The following FAM170A variants were observed in gnomAD, a reference collection of about 807,000 sequenced individuals.
The protein encoded by FAM170A is protein FAM170A.
A neutral mutation model predicts 36.6 loss-of-function variants in FAM170A; 28 were observed. The observed-to-expected ratio is 0.76, with a 90% CI of 0.57 to 1.05. The LOEUF is 1.05. Among genes scored for constraint, FAM170A ranks in the 50% least tolerant of loss-of-function variants. FAM170A has a pLI of 0.00. For synonymous variants in FAM170A, 156 were observed against 143.9 expected (o/e 1.08, Z -0.60); for missense variants, 434 against 396.5 (o/e 1.09, Z -0.80).
exon 3 of FAM170A, chr5:119,634,192 T>C (rs1756322892): frequency 6.2e-7 from 1 of 1,614,008 alleles, no homozygotes; most frequent in South Asian, 1.1e-5. Flanking sequence ...CAGAGGAAAC[T>C]TTGGAGTCCT....
intron 1 of FAM170A, among the ~76,000 whole-genome samples, chr5:119,631,095 C>T (rs1032842941): frequency 6.6e-6 from 1 of 152,198 alleles, no homozygotes; most frequent in Non-Finnish European, 1.5e-5. Context: ...CAATTTACTT[C>T]CCAGGCTGCA....
In FAM170A at chr5:119,632,760, C is replaced by T. The variant is rs900715217; in HGVS notation, c.83C>T (p.Ser28Phe). 17 of 1,602,170 alleles carry T rather than the reference C, an allele frequency of 1.1e-5. No individual in the cohort carries two copies. The Admixed American group carries it at 1.9e-4, about 18-fold the overall frequency. ...ATACCTTTCTCAGGAATGTCAAAGT[C>T]CCAAGAGGATGCCCTGCAGCCTGGA... Residue 28 changes from serine (S) to phenylalanine (F), a missense_variant, in exon 2 of 5, where the codon TCC becomes TTC. Coordinates refer to ENST00000613773, the Ensembl canonical transcript of FAM170A.
chr5:119,635,769 A>C (rs771770385), exon 5 of FAM170A: 15 of 154,424 alleles, frequency 9.7e-5, no homozygotes, highest in Non-Finnish European at 2.1e-4. Context: ...AGGGACCAGC[A>C]CTCAGTCTAA....
chr5:119,635,264 A>T (rs1756357239), intron 4 of FAM170A, among the ~76,000 whole-genome samples, 178 bp downstream of exon 4: 1 of 152,192 alleles, frequency 6.6e-6, no homozygotes, highest in Non-Finnish European at 1.5e-5. Flanking sequence ...CAAGGTGAAG[A>T]GCATTGACTG....
At chr5:119,632,062 C>T (rs575153286) in intron 1 of FAM170A, among the ~76,000 whole-genome samples, 58 of 152,250 alleles carry the variant, frequency 3.8e-4, no homozygotes, top group African/African-American at 8.9e-4. Flanking sequence ...GACATACTTA[C>T]GCTAAAAAAA....
intron 1 of FAM170A, among the ~76,000 whole-genome samples, chr5:119,630,334 T>TC (rs1376154410): frequency 7.0e-6 from 1 of 143,474 alleles, no homozygotes; most frequent in East Asian, 2.0e-4. Flanking sequence ...TTTTTTTTTT[T>TC]TTTTTTTTTT....
chr5:119,634,266 C>G (rs757845702), exon 3 of FAM170A: 18 of 1,614,066 alleles, frequency 1.1e-5, no homozygotes, highest in African/African-American at 6.7e-5. Flanking sequence ...GGTACTCCCC[C>G]CTCTGATGTG....
chr5:119,634,910 A>C (rs1756346718), intron 3 of FAM170A, 118 bp from the exon 4 acceptor site: 4 of 1,372,416 alleles, frequency 2.9e-6, no homozygotes, highest in Middle Eastern at 1.8e-4. Flanking sequence ...GCATCTAATA[A>C]AGTCTCGATT....
At chr5:119,633,770 C>G (rs991593914) in intron 2 of FAM170A, among the ~76,000 whole-genome samples, 190 bp from the exon 3 acceptor site, 85 of 152,170 alleles carry the variant, frequency 5.6e-4, no homozygotes, top group African/African-American at 2.0e-3. Flanking sequence ...TATGGACACC[C>G]CACCAACATC....
intron 1 of FAM170A, among the ~76,000 whole-genome samples, chr5:119,631,727 G>A (rs1756256312): frequency 6.6e-6 from 1 of 151,042 alleles, no homozygotes; most frequent in South Asian, 2.1e-4. Context: ...TCTTGTGTGT[G>A]GGGAGTGTGT....
At chr5:119,634,579 A>G (rs1030053038) in exon 3 of FAM170A, 2 of 1,613,542 alleles carry the variant, frequency 1.2e-6, no homozygotes, top group African/African-American at 2.7e-5. Context: ...AGAGCACCCA[A>G]GATGAGCAGG....
At chr5:119,631,611 T>C (rs1337049215) in intron 1 of FAM170A, among the ~76,000 whole-genome samples, 1 of 151,792 alleles carries the variant, frequency 6.6e-6, no homozygotes, top group Non-Finnish European at 1.5e-5. Context: ...AGAGAAAGAG[T>C]CACACACCTC....
At chr5:119,634,159 A>G (rs777619570) in exon 3 of FAM170A, 2 of 1,614,214 alleles carry the variant, frequency 1.2e-6, no homozygotes, top group Non-Finnish European at 1.7e-6. Context: ...AAATGAACAA[A>G]GGTGTGGCTG....
intron 1 of FAM170A, 39 bp downstream of exon 1, chr5:119,629,877 T>C (rs201039617): frequency 6.8e-5 from 102 of 1,508,240 alleles, no homozygotes; most frequent in Non-Finnish European, 8.8e-5. Context: ...CAAGCGTCAC[T>C]GGCCAGCCTG....
chr5:119,631,829 T>A (rs965095921), intron 1 of FAM170A, among the ~76,000 whole-genome samples: 1 of 152,164 alleles, frequency 6.6e-6, no homozygotes, highest in Non-Finnish European at 1.5e-5. Flanking sequence ...ATACATGCCA[T>A]ATCTGCAACA....
chr5:119,634,791 T>C, intron 3 of FAM170A, 57 bp downstream of exon 3: 2 of 1,481,640 alleles, frequency 1.3e-6, no homozygotes, highest in Non-Finnish European at 9.1e-7. Flanking sequence ...CCCGAGCCAG[T>C]ACTGTCTCCC....
intron 1 of FAM170A, among the ~76,000 whole-genome samples, chr5:119,630,559 C>A (rs1018391640): frequency 6.6e-6 from 1 of 152,106 alleles, no homozygotes; most frequent in African/African-American, 2.4e-5. Flanking sequence ...GGCTGATGCC[C>A]GCACATCCAT....
intron 1 of FAM170A, among the ~76,000 whole-genome samples, chr5:119,632,516 T>C (rs1756275270): frequency 1.3e-5 from 2 of 152,204 alleles, no homozygotes; most frequent in South Asian, 4.1e-4. Flanking sequence ...ACTCTTACGC[T>C]TCAGACGTAC....
At chr5:119,629,588 A>G in exon 1 of FAM170A, 2 of 502,952 alleles carry the variant, frequency 4.0e-6, no homozygotes, top group South Asian at 4.3e-5. Context: ...TGTAGTGGGC[A>G]CTGGGCAGTG....
Sources: gnomAD v4.1 joint callset for allele counts (sites outside exome capture counted in the v4.1 genomes callset) on GRCh38, gnomAD v4.1.1 for gene constraint, MANE v1.5 for transcripts, NCBI Gene and HGNC (gene_info 2026-07-23, HGNC 2026-07-21) for gene names.